DPYD: variants seen among roughly 807,000 people sequenced by gnomAD.
DPYD encodes dihydropyrimidine dehydrogenase.
DPYD carries 109 observed loss-of-function variants against 116.2 expected under a neutral mutation model. The observed-to-expected ratio is 0.94, with a 90% CI of 0.80 to 1.10. DPYD has a LOEUF of 1.10. Among genes scored for constraint, DPYD ranks in the 50% least tolerant of loss-of-function variants. DPYD has a pLI of 0.00. For synonymous variants in DPYD, 440 were observed against 432.0 expected, an observed-to-expected ratio of 1.02 and a Z score of -0.23; for missense variants, 1,302 against 1,254.5, an observed-to-expected ratio of 1.04 and a Z score of -0.57.
At chr1:97,339,408 A>C (rs1669475362) in intron 16 of DPYD, among the ~76,000 whole-genome samples, 1 of 152,220 alleles carries the variant, frequency 6.6e-6, no homozygotes, top group African/African-American at 2.4e-5. Context: ...CTAATGAAAA[A>C]AATTCTTTCT....
intron 1 of DPYD, among the ~76,000 whole-genome samples, chr1:97,905,897 T>G (rs112043062): frequency 0.033 from 5,008 of 152,178 alleles, 128 homozygotes; most frequent in Middle Eastern, 0.065. Context: ...ATTCATAGAT[T>G]TTAGTTTCCA....
chr1:97,444,824 C>CGT (rs1675987983), intron 14 of DPYD, among the ~76,000 whole-genome samples: 1 of 152,108 alleles, frequency 6.6e-6, no homozygotes, highest in African/African-American at 2.4e-5. Flanking sequence ...AATCCATAAA[C>CGT]TTGGGTGAGA....
rs956155952 is a variant in DPYD, at chr1:97,090,453, C to T, written c.2767-7983G>A. Among the ~76,000 whole-genome samples the T allele has an allele frequency of 7.2e-5, 11 of 152,138 alleles. No homozygotes were observed. The East Asian group carries it at 7.7e-4, about 11-fold the overall frequency. ...ATTGTGAGGATTAAATGAGCTAATT[C>T]GCAAGCACGTAGTGATGCTTGAAAC... On this transcript the variant is annotated intron_variant, in intron 21 of 22. Transcript: ENST00000370192.
chr1:97,564,289 T>C (rs1422910083), intron 11 of DPYD, among the ~76,000 whole-genome samples: 3 of 152,114 alleles, frequency 2.0e-5, no homozygotes, highest in Middle Eastern at 6.3e-3. Context: ...ATATTTACCA[T>C]CAGGAAATCA....
intron 20 of DPYD, among the ~76,000 whole-genome samples, chr1:97,144,754 A>C (rs1654487409): frequency 6.6e-6 from 1 of 152,214 alleles, no homozygotes; most frequent in African/African-American, 2.4e-5. Flanking sequence ...GTTGATCAGA[A>C]AAGCAGTGAA....
intron 3 of DPYD, among the ~76,000 whole-genome samples, chr1:97,752,163 A>C (rs916286423): frequency 2.0e-5 from 3 of 152,092 alleles, no homozygotes; most frequent in Non-Finnish European, 4.4e-5. Flanking sequence ...CAATGTCCAT[A>C]TATGAATTGT....
At chr1:97,742,311 A>G (rs1241256276) in intron 3 of DPYD, among the ~76,000 whole-genome samples, 1 of 152,084 alleles carries the variant, frequency 6.6e-6, no homozygotes, top group African/African-American at 2.4e-5. Context: ...AGCCCTCTTC[A>G]TTGTCTGAAC....
chr1:97,765,564 G>T (rs1039392225), intron 3 of DPYD, among the ~76,000 whole-genome samples: 1 of 152,174 alleles, frequency 6.6e-6, no homozygotes, highest in African/African-American at 2.4e-5. Context: ...GAACAGAATA[G>T]TTTGACAGCC....
chr1:97,699,674 G>A, intron 5 of DPYD, 127 bp from the exon 6 acceptor site: 1 of 905,398 alleles, frequency 1.1e-6, no homozygotes, highest in Non-Finnish European at 1.7e-6. Flanking sequence ...GTATTAATAT[G>A]GTATACTTAC....
intron 8 of DPYD, among the ~76,000 whole-genome samples, chr1:97,663,283 C>T (rs538514692): frequency 2.6e-5 from 4 of 152,148 alleles, no homozygotes; most frequent in Non-Finnish European, 4.4e-5. Context: ...ATCTCATAAT[C>T]TCCCCTTATT....
At chr1:97,163,257 T>C (rs1389432687) in intron 20 of DPYD, among the ~76,000 whole-genome samples, 5 of 152,080 alleles carry the variant, frequency 3.3e-5, no homozygotes, top group African/African-American at 1.2e-4. Context: ...ATATCCAGAA[T>C]CTACAATGAA....
At chr1:97,242,124 G>GTATATATATATA (rs71590220) in intron 18 of DPYD, among the ~76,000 whole-genome samples, 9 of 35,854 alleles carry the variant, frequency 2.5e-4, no homozygotes, top group Non-Finnish European at 4.4e-4. Flanking sequence ...GTGTGCGTGT[G>GTATATATATATA]TATATATATA....
intron 8 of DPYD, among the ~76,000 whole-genome samples, chr1:97,598,995 C>A (rs536098994): frequency 1.3e-5 from 2 of 152,298 alleles, no homozygotes; most frequent in East Asian, 3.9e-4. Context: ...ATAACCAGTC[C>A]TATCTAAAGT....
At chr1:97,190,186 T>C (rs1461604769) in intron 20 of DPYD, among the ~76,000 whole-genome samples, 3 of 152,188 alleles carry the variant, frequency 2.0e-5, no homozygotes, top group Non-Finnish European at 4.4e-5. Context: ...TGGAACCTAA[T>C]GTGATGCTTC....
chr1:97,286,895 C>T (rs904457465), intron 18 of DPYD, among the ~76,000 whole-genome samples: 2 of 152,180 alleles, frequency 1.3e-5, no homozygotes, highest in African/African-American at 2.4e-5. Context: ...GTAGTTTGAT[C>T]GTCTGAAGCC....
chr1:97,555,948 A>T (rs145627823), intron 11 of DPYD, among the ~76,000 whole-genome samples: 1 of 152,166 alleles, frequency 6.6e-6, no homozygotes, highest in East Asian at 1.9e-4. Flanking sequence ...ACCATTCCAC[A>T]TCTGCATTTG....
At position 97,828,120 on chromosome 1, in the gene DPYD, G is replaced by A. The variant is rs765131182; in HGVS notation, c.227C>T (p.Ala76Val). 1 of 1,613,528 alleles carries A rather than the reference G, an allele frequency of 6.2e-7. No individual in the cohort carries two copies. The highest frequency in any genetic ancestry group is 1.1e-5 in the South Asian group (1 of 91,074). Residue 76 changes from alanine (A) to valine (V), a missense_variant, in exon 3 of 23, where the codon GCA becomes GTA. Ala to Val is a moderately conservative substitution (Grantham distance 64). Transcript: ENST00000370192. Reference sequence around the variant, plus strand: ...TATGGTGACCCAGACTTACCTCATTGCTTCTCGGAGAGCTCCTCGCTCACC... The same window carrying A: ...TATGGTGACCCAGACTTACCTCATTACTTCTCGGAGAGCTCCTCGCTCACC... ...TLGERGALRE[A>V]MRCLKCADAP... is the part of the protein sequence containing the mutation.
intron 3 of DPYD, among the ~76,000 whole-genome samples, chr1:97,755,772 A>G (rs1665193420): frequency 6.6e-6 from 1 of 152,308 alleles, no homozygotes; most frequent in Non-Finnish European, 1.5e-5. Context: ...TTCCTCATCT[A>G]AATTGCTAAT....
At chr1:97,344,992 T>C (rs1163642443) in intron 16 of DPYD, among the ~76,000 whole-genome samples, 1 of 151,966 alleles carries the variant, frequency 6.6e-6, no homozygotes. Flanking sequence ...GCACTAATGG[T>C]AATCACTCTT....
Sources: gnomAD v4.1 joint callset for allele counts (sites outside exome capture counted in the v4.1 genomes callset) on GRCh38, gnomAD v4.1.1 for gene constraint, MANE v1.5 for transcripts, NCBI Gene and HGNC (gene_info 2026-07-23, HGNC 2026-07-21) for gene names.